Variants in MPDZ observed in about 807,000 individuals in gnomAD.
MPDZ encodes the protein multiple PDZ domain crumbs cell polarity complex component.
Under a neutral mutation model 239.1 loss-of-function variants are expected in MPDZ, and 234 were observed. The ratio of observed to expected loss-of-function variants is 0.98; its 90% CI spans 0.88 to 1.09. The LOEUF (loss-of-function observed/expected upper bound fraction) is 1.09, where lower values mean the gene tolerates loss of function less well. Among genes scored for constraint, MPDZ ranks in the 50% least tolerant of loss-of-function variants. The pLI, the probability that MPDZ is intolerant of heterozygous loss-of-function variation, is 0.00. For missense variants in MPDZ, 3,175 were observed against 2,510.0 expected (o/e 1.26, Z -5.66); for synonymous variants, 1,048 against 881.3 (o/e 1.19, Z -3.35).
chr9:13,107,349 C>G (rs1470906744), intron 46 of MPDZ, among the ~76,000 whole-genome samples: 1 of 152,120 alleles, frequency 6.6e-6, no homozygotes, highest in Non-Finnish European at 1.5e-5. Context: ...GTCGATAGAT[C>G]AGTTGGATGG....
chr9:13,241,366 G>A (rs1965364454), intron 3 of MPDZ, among the ~76,000 whole-genome samples: 1 of 152,066 alleles, frequency 6.6e-6, no homozygotes, highest in Non-Finnish European at 1.5e-5. Flanking sequence ...AACAACAGCT[G>A]GGAAGAGTTC....
intron 3 of MPDZ, among the ~76,000 whole-genome samples, chr9:13,243,361 C>T (rs1308063566): frequency 6.6e-6 from 1 of 150,942 alleles, no homozygotes; most frequent in Non-Finnish European, 1.5e-5. Context: ...TCAGTTCTAT[C>T]TCTTTTTTTT....
intron 44 of MPDZ, 149 bp downstream of exon 44, chr9:13,110,487 T>C: frequency 1.5e-6 from 1 of 661,802 alleles, no homozygotes; most frequent in Non-Finnish European, 2.6e-6. Flanking sequence ...TGCACTTTAT[T>C]GGAACTCTTA....
chr9:13,196,391 A>G (rs545926854), intron 12 of MPDZ, among the ~76,000 whole-genome samples, 161 bp from the exon 13 acceptor site: 110 of 152,288 alleles, frequency 7.2e-4, no homozygotes, highest in African/African-American at 2.4e-3. Context: ...AAATACTTCA[A>G]TTAAGAACCC....
At chr9:13,157,983 C>G in intron 24 of MPDZ, 35 bp downstream of exon 24, 1 of 1,547,198 alleles carries the variant, frequency 6.5e-7, no homozygotes, top group Non-Finnish European at 8.9e-7. Context: ...CACTATATAT[C>G]CATTGGGTGG....
chr9:13,125,088 A>T, intron 35 of MPDZ, 128 bp downstream of exon 35: 1 of 809,458 alleles, frequency 1.2e-6, no homozygotes, highest in Non-Finnish European at 1.9e-6. Flanking sequence ...TGCCCTCACC[A>T]TAGGGCTCCC....
chr9:13,162,604 T>C, intron 23 of MPDZ, 87 bp downstream of exon 23: 2 of 687,882 alleles, frequency 2.9e-6, no homozygotes, highest in Non-Finnish European at 4.6e-6. Context: ...AGACCTTTTC[T>C]TTGCTCTAGT....
chr9:13,242,215 CTTTTTTTTTTT>C (rs145555644), intron 3 of MPDZ, among the ~76,000 whole-genome samples: 2 of 50,754 alleles, frequency 3.9e-5, no homozygotes, highest in African/African-American at 1.7e-4. Flanking sequence ...TGTTAGGATG[CTTTTTTTTTTT>C]TTTTTTTTTT....
chr9:13,156,804 CA>C (rs1949875499), intron 24 of MPDZ, among the ~76,000 whole-genome samples: 1 of 152,148 alleles, frequency 6.6e-6, no homozygotes, highest in South Asian at 2.1e-4. Flanking sequence ...TGCTACAAAA[CA>C]GTTTCATTTA....
intron 24 of MPDZ, 112 bp from the exon 25 acceptor site, chr9:13,150,800 A>G: frequency 1.5e-6 from 1 of 652,876 alleles, no homozygotes; most frequent in East Asian, 3.5e-5. Flanking sequence ...ACAGAGAACA[A>G]AAGAAAAAAT....
At chr9:13,269,606 T>C (rs189925588) in intron 1 of MPDZ, among the ~76,000 whole-genome samples, 280 of 152,318 alleles carry the variant, frequency 1.8e-3, no homozygotes, top group Non-Finnish European at 2.3e-3. Context: ...CTTCTGTTAA[T>C]TGAACATGCA....
At chr9:13,215,312 A>G (rs1326023046) in intron 10 of MPDZ, among the ~76,000 whole-genome samples, 2 of 151,716 alleles carry the variant, frequency 1.3e-5, no homozygotes, top group Non-Finnish European at 2.9e-5. Flanking sequence ...TAAAGACTGA[A>G]TAACATTCTA....
At position 13,107,176 on chromosome 9, in the gene MPDZ, A is replaced by G. The variant is rs1941601164; in HGVS notation, c.6067-65T>C. ...TGCTGCCTTGCAACTCACAACAGAA[A>G]AAGATCTCAACAGGAATGTAAATTG... On this transcript the variant is annotated intron_variant, in intron 46 of 46. Coordinates refer to ENST00000319217, the MANE Select transcript of MPDZ (RefSeq NM_001378778.1). The G allele has an allele frequency of 8.8e-6, 13 of 1,483,818 alleles. No individual in the cohort carries two copies. The African/African-American group carries it at 1.4e-4, about 16-fold the overall frequency. The allele number at this position is 1,483,818 out of a possible 1,614,324, so 91.9% of individuals were successfully genotyped here.
At chr9:13,223,893 G>GTT (rs1449692809) in intron 4 of MPDZ, among the ~76,000 whole-genome samples, 183 bp from the exon 5 acceptor site, 5 of 151,902 alleles carry the variant, frequency 3.3e-5, no homozygotes, top group Admixed American at 2.6e-4. Context: ...AACTTAGTAA[G>GTT]TGTGGTGGCA....
intron 32 of MPDZ, 63 bp downstream of exon 32, chr9:13,133,761 G>C: frequency 8.4e-7 from 1 of 1,190,778 alleles, no homozygotes; most frequent in Non-Finnish European, 1.2e-6. Flanking sequence ...TGAGAACACA[G>C]TGAATTAGAA....
chr9:13,227,683 A>G (rs542862924), intron 3 of MPDZ, among the ~76,000 whole-genome samples: 1 of 152,276 alleles, frequency 6.6e-6, no homozygotes, highest in East Asian at 1.9e-4. Context: ...GAGTGAGAGC[A>G]GAACAAGTAA....
chr9:13,257,272 G>T (rs1217990985), intron 1 of MPDZ, among the ~76,000 whole-genome samples: 2 of 152,102 alleles, frequency 1.3e-5, no homozygotes, highest in African/African-American at 4.8e-5. Context: ...TGCATGTGGG[G>T]ACTCTGACCA....
chr9:13,207,279 A>C (rs1405711436), intron 10 of MPDZ, among the ~76,000 whole-genome samples: 58 of 152,044 alleles, frequency 3.8e-4, no homozygotes, highest in Non-Finnish European at 1.0e-4. Flanking sequence ...TATCTCCCCA[A>C]CCCTCTCTTC....
chr9:13,167,702 A>G (rs1951249160), intron 22 of MPDZ, among the ~76,000 whole-genome samples: 1 of 152,166 alleles, frequency 6.6e-6, no homozygotes, highest in Non-Finnish European at 1.5e-5. Context: ...AAGTGTCACA[A>G]TAAAGTAATG....
Sources: gnomAD v4.1 joint callset for allele counts (sites outside exome capture counted in the v4.1 genomes callset) on GRCh38, gnomAD v4.1.1 for gene constraint, MANE v1.5 for transcripts, NCBI Gene and HGNC (gene_info 2026-07-23, HGNC 2026-07-21) for gene names.